Variants in SOS1 observed in about 807,000 individuals in gnomAD.
SOS1 encodes SOS Ras/Rac guanine nucleotide exchange factor 1.
In SOS1, 25 loss-of-function variants were observed where a neutral mutation model predicts 157.6. The ratio of observed to expected loss-of-function variants is 0.16; its 90% confidence interval spans 0.12 to 0.22. The LOEUF (loss-of-function observed/expected upper bound fraction) is 0.22. Among genes scored for constraint, SOS1 ranks in the 10% least tolerant of loss-of-function variants. The pLI, the probability that SOS1 is intolerant of heterozygous loss-of-function variation, is 1.00. For synonymous variants in SOS1, 528 were observed against 534.0 expected (o/e 0.99, Z 0.16); for missense variants, 1,237 against 1,599.1 (o/e 0.77, Z 3.86).
intron 15 of SOS1, among the ~76,000 whole-genome samples, chr2:39,009,256 G>GA (rs552976917): frequency 3.8e-4 from 56 of 148,314 alleles, no homozygotes; most frequent in Non-Finnish European, 5.5e-4. Flanking sequence ...TATTTGAACT[G>GA]AAAAAAAAAA....
At chr2:39,028,625 A>G (rs1309411368) in intron 8 of SOS1, among the ~76,000 whole-genome samples, 1 of 152,236 alleles carries the variant, frequency 6.6e-6, no homozygotes, top group Non-Finnish European at 1.5e-5. Context: ...TCACTATAAT[A>G]GGTACCCAAA....
At chr2:39,090,651 G>A (rs1242042758) in intron 1 of SOS1, among the ~76,000 whole-genome samples, 2 of 152,012 alleles carry the variant, frequency 1.3e-5, no homozygotes, top group Non-Finnish European at 2.9e-5. Context: ...AGCCCAGATC[G>A]CGCCATTGCA....
At chr2:39,053,589 C>T (rs148911550) in intron 5 of SOS1, among the ~76,000 whole-genome samples, 1 of 152,080 alleles carries the variant, frequency 6.6e-6, no homozygotes, top group African/African-American at 2.4e-5. Flanking sequence ...TTTCACTCAT[C>T]GCCATAGCTT....
chr2:39,043,951 ATTT>A (rs990548108), intron 6 of SOS1, among the ~76,000 whole-genome samples: 16 of 152,292 alleles, frequency 1.1e-4, no homozygotes, highest in African/African-American at 3.4e-4. Flanking sequence ...TTGACTATTC[ATTT>A]TTTAATGTTT....
chr2:38,997,201 A>G (rs1668923603), intron 18 of SOS1, 52 bp downstream of exon 18: 8 of 1,407,310 alleles, frequency 5.7e-6, no homozygotes, highest in Non-Finnish European at 8.0e-6. Context: ...CCTTTTATTA[A>G]GTAGTTTAGA....
At chr2:39,058,943 GCTAA>G in intron 2 of SOS1, 139 bp from the exon 3 acceptor site, 1 of 674,430 alleles carries the variant, frequency 1.5e-6, no homozygotes, top group South Asian at 1.9e-5. Flanking sequence ...AACATATGAA[GCTAA>G]GAGAAAACAG....
intron 19 of SOS1, 80 bp from the exon 20 acceptor site, chr2:38,995,467 T>G (rs1668864590): frequency 9.2e-7 from 1 of 1,087,522 alleles, no homozygotes. Context: ...CCTGGTAAAA[T>G]TCAGCTAATA....
At chr2:39,012,072 T>C in intron 14 of SOS1, 54 bp downstream of exon 14, 1 of 1,291,200 alleles carries the variant, frequency 7.7e-7, no homozygotes, top group Non-Finnish European at 1.1e-6. Context: ...GTATTTCATT[T>C]TAAAAGTTAA....
At chr2:39,080,751 A>G (rs576983687) in intron 1 of SOS1, among the ~76,000 whole-genome samples, 15 of 146,922 alleles carry the variant, frequency 1.0e-4, no homozygotes, top group African/African-American at 3.2e-4. Flanking sequence ...TTTAACTGCA[A>G]TTTTTTTTTT....
rs201032847 is a variant in SOS1, at chr2:39,007,007, T to G, written c.2673+24A>C. The G allele has an allele frequency of 1.5e-4, 237 of 1,548,050 alleles. 1 individual carries two copies. Among genetic ancestry groups the G allele is most frequent in the Non-Finnish European group, 2.0e-4 (227 of 1,121,074 alleles). ...TTCTAATAGGGAATGAAAGTTCATT[T>G]TAAAAACACATGTAGAAACCTACCT... On this transcript the variant is annotated intron_variant, in intron 16 of 22. Transcript: ENST00000402219.
chr2:39,022,777 C>T lies in SOS1; in HGVS notation c.1651G>A (p.Glu551Lys). 6.2e-7 allele frequency: 1 copy of T among 1,613,336 alleles called. No homozygotes were observed. Among genetic ancestry groups the T allele is most frequent in the East Asian group, 2.2e-5 (1 of 44,862 alleles). ...LISLQYRSTL[E>K]RMLDVTMLQE... is the part of the protein sequence containing the mutation. ...AGCATTGTTACATCAAGCATCCTTT[C>T]CAGTGTACTCCGGTACTGTAAAGAT... The change falls in exon 10 of 23, where the codon GAA becomes AAA. Residue 551 changes from glutamate to lysine, a missense_variant. This residue lies in a region of SOS1 where 210 missense variants were observed against 220.2 expected (regional missense o/e 0.95). Coordinates refer to ENST00000402219, the MANE Select transcript of SOS1 (RefSeq NM_005633.4).
At chr2:39,118,723 A>C (rs979933940) in intron 1 of SOS1, among the ~76,000 whole-genome samples, 5 of 152,220 alleles carry the variant, frequency 3.3e-5, no homozygotes, top group African/African-American at 1.2e-4. Flanking sequence ...AGAAAAGCCG[A>C]AAATTCAGGT....
At chr2:39,112,999 GCA>G (rs765621851) in intron 1 of SOS1, among the ~76,000 whole-genome samples, 1 of 151,206 alleles carries the variant, frequency 6.6e-6, no homozygotes, top group Non-Finnish European at 1.5e-5. Flanking sequence ...TCACACCACT[GCA>G]CTCCAGCCTG....
At chr2:39,115,199 C>A (rs980331891) in intron 1 of SOS1, among the ~76,000 whole-genome samples, 1 of 152,110 alleles carries the variant, frequency 6.6e-6, no homozygotes, top group Non-Finnish European at 1.5e-5. Context: ...TATGTACACA[C>A]CCCTGAAACC....
At chr2:39,107,416 T>A (rs1673235582) in intron 1 of SOS1, among the ~76,000 whole-genome samples, 1 of 152,166 alleles carries the variant, frequency 6.6e-6, no homozygotes, top group African/African-American at 2.4e-5. Context: ...CCTTGCAAAC[T>A]TTCCTTAGTA....
intron 1 of SOS1, among the ~76,000 whole-genome samples, chr2:39,090,168 A>C (rs1340178220): frequency 6.6e-6 from 1 of 151,310 alleles, no homozygotes; most frequent in Non-Finnish European, 1.5e-5. Flanking sequence ...CACTCTGTGC[A>C]TAAACACTAA....
intron 8 of SOS1, among the ~76,000 whole-genome samples, chr2:39,034,633 G>T (rs1206418219): frequency 2.0e-5 from 3 of 152,116 alleles, no homozygotes; most frequent in African/African-American, 7.2e-5. Flanking sequence ...TTTCCTTTCA[G>T]TCAGTGCTTA....
rs533131178 is a variant in SOS1 at position 39,085,597 on chromosome 2, A to G, written c.88-17844T>C. ...AACAAGCAAGGAAAAAAACTTTTCA[A>G]ATTCAAACTTCTCCAAATGAATCAC... On this transcript the variant is annotated intron_variant, in intron 1 of 22. Coordinates refer to ENST00000402219, the MANE Select transcript of SOS1 (RefSeq NM_005633.4). Among the ~76,000 whole-genome samples the G allele has an allele frequency of 1.2e-4, 19 of 152,374 alleles. 1 individual carries two copies. In the South Asian group the frequency reaches 3.9e-3, roughly 32 times the overall value.
At chr2:39,105,917 T>C (rs937001909) in intron 1 of SOS1, among the ~76,000 whole-genome samples, 1 of 149,308 alleles carries the variant, frequency 6.7e-6, no homozygotes, top group Non-Finnish European at 1.5e-5. Flanking sequence ...AAAAGAAAAA[T>C]CAAAACAGTA....
Sources: allele counts gnomAD v4.1 joint callset (sites outside exome capture counted in the v4.1 genomes callset), GRCh38; gene constraint gnomAD v4.1.1; regional missense constraint gnomAD v4.1.1; transcripts MANE v1.5; gene names NCBI Gene and HGNC (gene_info 2026-07-23, HGNC 2026-07-21).